Variants in NELL1 observed in about 807,000 individuals in gnomAD.
NELL1 encodes the protein neural EGFL like 1.
A neutral mutation model predicts 107.4 loss-of-function variants in NELL1; 76 were observed. The ratio of observed to expected loss-of-function variants is 0.71; its 90% CI spans 0.59 to 0.86. NELL1 has a LOEUF of 0.86. Among genes scored for constraint, NELL1 ranks in the 40% least tolerant of loss-of-function variants. The pLI, the probability that NELL1 is intolerant of heterozygous loss-of-function variation, is 0.00. For synonymous variants in NELL1, 353 were observed against 341.2 expected, an observed-to-expected ratio of 1.03 and a Z score of -0.38; for missense variants, 1,024 against 1,005.5, an observed-to-expected ratio of 1.02 and a Z score of -0.25.
At chr11:20,885,998 C>G (rs1036768419) in intron 5 of NELL1, among the ~76,000 whole-genome samples, 7 of 152,124 alleles carry the variant, frequency 4.6e-5, no homozygotes, top group Admixed American at 3.3e-4. Context: ...AATTGCATTA[C>G]TGGGAACAGA....
chr11:21,124,311 G>A (rs1855440041), intron 13 of NELL1, among the ~76,000 whole-genome samples: 1 of 152,068 alleles, frequency 6.6e-6, no homozygotes, highest in Non-Finnish European at 1.5e-5. Flanking sequence ...TTTATGACCT[G>A]GTAGGGATAA....
chr11:20,781,430 G>A (rs1008544798), intron 2 of NELL1, among the ~76,000 whole-genome samples: 1 of 152,108 alleles, frequency 6.6e-6, no homozygotes, highest in Non-Finnish European at 1.5e-5. Context: ...TATAAAGTTG[G>A]AGGCCATTGG....
chr11:21,282,439 C>G (rs1201049996), intron 14 of NELL1, among the ~76,000 whole-genome samples: 1 of 145,182 alleles, frequency 6.9e-6, no homozygotes, highest in African/African-American at 2.6e-5. Flanking sequence ...GACATCATAC[C>G]ATGCACTCCA....
At chr11:20,701,322 T>A in intron 2 of NELL1, among the ~76,000 whole-genome samples, 1 of 152,188 alleles carries the variant, frequency 6.6e-6, no homozygotes, top group South Asian at 2.1e-4. Context: ...GAGAAGTGTC[T>A]GTTCATATAC....
intron 3 of NELL1, among the ~76,000 whole-genome samples, chr11:20,833,958 T>G (rs1429857935): frequency 6.6e-6 from 1 of 152,200 alleles, no homozygotes; most frequent in East Asian, 1.9e-4. Context: ...TGCCTAAGAC[T>G]TCTAGGCTTG....
intron 13 of NELL1, among the ~76,000 whole-genome samples, chr11:21,141,203 A>G (rs1196123364): frequency 2.0e-5 from 3 of 152,222 alleles, no homozygotes; most frequent in Non-Finnish European, 4.4e-5. Context: ...CTTGACAATC[A>G]AATTTGAGAT....
At chr11:21,100,018 G>A (rs532079058) in intron 12 of NELL1, among the ~76,000 whole-genome samples, 2 of 150,404 alleles carry the variant, frequency 1.3e-5, no homozygotes, top group South Asian at 2.1e-4. Context: ...TGCCATTTTA[G>A]CCCTTTTTTT....
rs535867277 is a variant in NELL1, at chr11:21,488,169, A to C, written c.1646-46205A>C. ...TGGATTTAAATTGGACTTTAGACCA[A>C]GTGGATCTGACAGACATTTACAGAA... On this transcript the variant is annotated intron_variant, in intron 15 of 19. Transcript: ENST00000357134. Among the ~76,000 whole-genome samples the C allele has an allele frequency of 7.9e-5, 12 of 152,304 alleles. No individual in the cohort carries two copies. In the East Asian group the frequency reaches 2.1e-3, roughly 27 times the overall value.
intron 15 of NELL1, among the ~76,000 whole-genome samples, chr11:21,408,226 T>C (rs1056339534): frequency 6.6e-6 from 1 of 152,032 alleles, no homozygotes; most frequent in Non-Finnish European, 1.5e-5. Flanking sequence ...GAAATTCAAC[T>C]GGCATTCTCA....
intron 2 of NELL1, among the ~76,000 whole-genome samples, chr11:20,711,732 T>C (rs1008081464): frequency 3.9e-5 from 6 of 152,130 alleles, no homozygotes; most frequent in African/African-American, 1.2e-4. Flanking sequence ...GCTTGAAAAG[T>C]TTCTGCTAAG....
chr11:21,048,468 G>A (rs1318386076), intron 12 of NELL1, among the ~76,000 whole-genome samples: 1 of 152,048 alleles, frequency 6.6e-6, no homozygotes, highest in African/African-American at 2.4e-5. Flanking sequence ...TCACTCTGTT[G>A]ATGTCTTTGT....
rs1325220663 is a variant in NELL1 at position 20,755,730 on chromosome 11, A to C, written c.185-27950A>C. On this transcript the variant is annotated intron_variant, in intron 2 of 19. Coordinates refer to ENST00000357134, the MANE Select transcript of NELL1 (RefSeq NM_006157.5). ...GCCACCAGGCCTGGCTAATTTTTCT[A>C]TTTTTAGTAGAGATGGGGTTTCACC... Among the ~76,000 whole-genome samples, 4 of 149,768 alleles carry C rather than the reference A, an allele frequency of 2.7e-5. No individual in the cohort carries two copies. The East Asian group carries it at 8.0e-4, about 30-fold the overall frequency.
chr11:21,143,531 C>T (rs1855912976), intron 13 of NELL1, among the ~76,000 whole-genome samples: 1 of 152,130 alleles, frequency 6.6e-6, no homozygotes, highest in Non-Finnish European at 1.5e-5. Context: ...CAAGGATGTC[C>T]CATGTTCAAT....
At chr11:20,881,335 ATAG>A (rs1849403247) in intron 4 of NELL1, among the ~76,000 whole-genome samples, 1 of 152,198 alleles carries the variant, frequency 6.6e-6, no homozygotes, top group Admixed American at 6.5e-5. Flanking sequence ...TCTTTGATAA[ATAG>A]TAGCTTGGAT....
chr11:21,550,162 A>G (rs909640921), intron 16 of NELL1, among the ~76,000 whole-genome samples: 1 of 151,898 alleles, frequency 6.6e-6, no homozygotes, highest in South Asian at 2.1e-4. Context: ...GGGGTTTGGA[A>G]TTCCCATCCT....
At chr11:21,159,191 G>A (rs182793493) in intron 13 of NELL1, among the ~76,000 whole-genome samples, 13 of 152,168 alleles carry the variant, frequency 8.5e-5, no homozygotes, top group Non-Finnish European at 1.6e-4. Flanking sequence ...GTCAATCATA[G>A]GACTTAGATC....
At chr11:21,288,269 C>G (rs1849173005) in intron 14 of NELL1, among the ~76,000 whole-genome samples, 1 of 152,146 alleles carries the variant, frequency 6.6e-6, no homozygotes, top group Non-Finnish European at 1.5e-5. Context: ...CAAAATTACT[C>G]CTCTCTAAAG....
intron 16 of NELL1, among the ~76,000 whole-genome samples, chr11:21,548,912 T>C (rs4922558): frequency 0.31 from 46,296 of 149,970 alleles, 7,466 homozygotes; most frequent in Middle Eastern, 0.41. Flanking sequence ...AGCATGCTGC[T>C]GCATACAAGA....
chr11:21,184,930 C>T (rs1225635393), intron 13 of NELL1, among the ~76,000 whole-genome samples: 2 of 151,792 alleles, frequency 1.3e-5, no homozygotes, highest in African/African-American at 2.4e-5. Flanking sequence ...CATTTTCAAA[C>T]GGCAACTTCA....
Sources: allele counts gnomAD v4.1 joint callset (sites outside exome capture counted in the v4.1 genomes callset), GRCh38; gene constraint gnomAD v4.1.1; transcripts MANE v1.5; gene names NCBI Gene and HGNC (gene_info 2026-07-23, HGNC 2026-07-21).